The following RGS6 variants were observed in gnomAD, a reference collection of about 807,000 sequenced individuals.
RGS6 encodes regulator of G protein signaling 6.
A neutral mutation model predicts 78.5 loss-of-function variants in RGS6; 30 were observed. That is an observed-to-expected ratio of 0.38 (90% CI 0.29 to 0.52). The LOEUF (loss-of-function observed/expected upper bound fraction) is 0.52, where lower values mean the gene tolerates loss of function less well. Ranked by LOEUF, RGS6 falls within the 20% of genes least tolerant of loss-of-function variation. The pLI, the probability that RGS6 is intolerant of heterozygous loss-of-function variation, is 0.85. For missense variants in RGS6, 495 were observed against 609.7 expected (o/e 0.81, Z 1.98); for synonymous variants, 206 against 206.0 (o/e 1.00, Z 0.00).
intron 2 of RGS6, among the ~76,000 whole-genome samples, chr14:72,304,275 CAT>C (rs770589071): frequency 1.2e-4 from 18 of 152,174 alleles, no homozygotes; most frequent in Non-Finnish European, 2.5e-4. Flanking sequence ...CTGACCTTCT[CAT>C]ATTATTTAGG....
chr14:72,301,380 C>G (rs72721884), intron 2 of RGS6, among the ~76,000 whole-genome samples: 11 of 151,652 alleles, frequency 7.3e-5, no homozygotes, highest in African/African-American at 2.7e-4. Context: ...TTCAAAGCAA[C>G]GTATCATCAG....
chr14:72,129,938 A>C (rs1281641150), intron 2 of RGS6, among the ~76,000 whole-genome samples: 2 of 152,070 alleles, frequency 1.3e-5, no homozygotes, highest in African/African-American at 2.4e-5. Context: ...TCTGACACTC[A>C]CCATCCCGAC....
At chr14:72,294,971 T>C (rs1201130437) in intron 2 of RGS6, among the ~76,000 whole-genome samples, 2 of 152,202 alleles carry the variant, frequency 1.3e-5, no homozygotes, top group Non-Finnish European at 2.9e-5. Flanking sequence ...AAACTTGGTA[T>C]GCTTTTGCAT....
intron 2 of RGS6, among the ~76,000 whole-genome samples, chr14:72,255,953 A>G (rs2056983181): frequency 6.6e-6 from 1 of 152,210 alleles, no homozygotes; most frequent in African/African-American, 2.4e-5. Flanking sequence ...GATTTCAGAA[A>G]CGTGCAACTT....
intron 2 of RGS6, among the ~76,000 whole-genome samples, chr14:72,179,891 G>A (rs1323879841): frequency 6.6e-6 from 1 of 152,130 alleles, no homozygotes; most frequent in Non-Finnish European, 1.5e-5. Context: ...CCTACCAGAT[G>A]ATTCTAATGC....
chr14:72,554,946 G>A (rs1396841469), intron 17 of RGS6, among the ~76,000 whole-genome samples: 1 of 152,104 alleles, frequency 6.6e-6, no homozygotes, highest in African/African-American at 2.4e-5. Context: ...CTGCACAGCT[G>A]GGGGGCCATG....
rs1037215048 is a variant in RGS6, at chr14:72,479,917, A to T, written c.854+1588A>T. On this transcript the variant is annotated intron_variant, in intron 12 of 17. Coordinates refer to ENST00000553525, the MANE Select transcript of RGS6 (RefSeq NM_001204424.2). ...TACTTTGAGGGTCGGTGTGCTAGCA[A>T]TGCTCATGTCTGGCCTTGGAAGGTG... Among the ~76,000 whole-genome samples the T allele has an allele frequency of 1.3e-5, 2 of 152,278 alleles. 1 individual carries two copies. Among genetic ancestry groups the T allele is most frequent in the South Asian group, 4.2e-4 (2 of 4,810 alleles).
intron 2 of RGS6, among the ~76,000 whole-genome samples, chr14:72,271,282 A>G (rs1234953110): frequency 6.6e-6 from 1 of 152,222 alleles, no homozygotes; most frequent in Non-Finnish European, 1.5e-5. Context: ...AGTTGAGAGA[A>G]AAGCAAAGGG....
rs1031018301 is a variant in RGS6, at chr14:72,188,070, A to G, written c.85-164025A>G. Among the ~76,000 whole-genome samples the G allele has an allele frequency of 2.6e-5, 4 of 151,676 alleles. No individual in the cohort carries two copies. The East Asian group carries it at 7.7e-4, about 29-fold the overall frequency. ...TTTTACTATTTGAAATGGTCCAAGG[A>G]TAGTGCCAGCCTACTGTCCAGTGTT... On this transcript the variant is annotated intron_variant, in intron 2 of 17. Transcript: ENST00000553525.
the RGS6 span, among the ~76,000 whole-genome samples, chr14:71,905,805 G>T: frequency 6.6e-6 from 1 of 152,138 alleles, no homozygotes; most frequent in African/African-American, 2.4e-5. Flanking sequence ...TCTGTGAAAG[G>T]CAGGAGAGGC....
the RGS6 span, among the ~76,000 whole-genome samples, chr14:72,621,579 A>T: frequency 6.7e-3 from 1,022 of 152,278 alleles, 11 homozygotes; most frequent in African/African-American, 0.023. Context: ...AGTTATCAAC[A>T]GGGGAGTGAT....
chr14:71,940,923 G>C (rs2090430415), intron 1 of RGS6, among the ~76,000 whole-genome samples: 1 of 152,194 alleles, frequency 6.6e-6, no homozygotes, highest in Admixed American at 6.5e-5. Flanking sequence ...TGTACATTAA[G>C]CCAAGGGAGA....
chr14:72,119,660 A>G (rs2095998835), intron 2 of RGS6, among the ~76,000 whole-genome samples: 1 of 152,200 alleles, frequency 6.6e-6, no homozygotes, highest in Admixed American at 6.5e-5. Context: ...GACATGAAAC[A>G]AACGAGAGAG....
chr14:72,283,636 C>T (rs1456717335), intron 2 of RGS6, among the ~76,000 whole-genome samples: 1 of 152,174 alleles, frequency 6.6e-6, no homozygotes, highest in Non-Finnish European at 1.5e-5. Flanking sequence ...AACTGTGTGT[C>T]CATTAAACTT....
At chr14:72,591,772 A>G in the RGS6 span, among the ~76,000 whole-genome samples, 36 of 152,346 alleles carry the variant, frequency 2.4e-4, no homozygotes, top group African/African-American at 7.9e-4. Context: ...ACCCACACAT[A>G]AAAACAGATG....
At chr14:72,352,004 C>A in intron 2 of RGS6, 91 bp from the exon 3 acceptor site, 1 of 871,232 alleles carries the variant, frequency 1.1e-6, no homozygotes, top group Non-Finnish European at 1.8e-6. Flanking sequence ...TTGTTGACAT[C>A]CATGTTTATA....
At chr14:71,888,199 C>T in the RGS6 span, among the ~76,000 whole-genome samples, 59 of 152,050 alleles carry the variant, frequency 3.9e-4, no homozygotes, top group South Asian at 1.5e-3. Flanking sequence ...GCTGAGATCG[C>T]GCCACTGCAC....
At chr14:72,083,003 G>A (rs546706999) in intron 2 of RGS6, among the ~76,000 whole-genome samples, 1 of 152,222 alleles carries the variant, frequency 6.6e-6, no homozygotes, top group Non-Finnish European at 1.5e-5. Flanking sequence ...AGAAATTTGA[G>A]GTGTACTTAC....
At chr14:71,910,503 C>T in the RGS6 span, among the ~76,000 whole-genome samples, 1 of 152,176 alleles carries the variant, frequency 6.6e-6, no homozygotes, top group South Asian at 2.1e-4. Flanking sequence ...TTTGAGTCAC[C>T]TTTCATTGAA....
Sources: gnomAD v4.1 joint callset for allele counts (sites outside exome capture counted in the v4.1 genomes callset) on GRCh38, gnomAD v4.1.1 for gene constraint, MANE v1.5 for transcripts, NCBI Gene and HGNC (gene_info 2026-07-23, HGNC 2026-07-21) for gene names.